The following ANP32E variants were observed in gnomAD, a reference collection of about 807,000 sequenced individuals.
ANP32E encodes acidic leucine-rich nuclear phosphoprotein 32 family member E.
ANP32E carries 14 observed loss-of-function variants against 35.3 expected under a neutral mutation model. That is an observed-to-expected ratio of 0.40 (90% CI 0.26 to 0.62). ANP32E has a LOEUF of 0.62. ANP32E is among the 20% of genes least tolerant of loss of function. The probability of loss-of-function intolerance (pLI) is 0.45; values close to 1 mark genes in which losing one functional copy is unlikely to be tolerated. For synonymous variants in ANP32E, 89 were observed against 110.4 expected (o/e 0.81, Z 1.22); for missense variants, 198 against 304.4 (o/e 0.65, Z 2.60).
intron 4 of ANP32E, among the ~76,000 whole-genome samples, chr1:150,228,190 C>G (rs1224331348): frequency 3.3e-5 from 5 of 151,774 alleles, no homozygotes; most frequent in Non-Finnish European, 7.4e-5. Flanking sequence ...CTCACTGCAA[C>G]CTTCGCCTCC....
Position 150,220,560 on chromosome 1 carries a change from T to G in ANP32E, c.*131A>C. On this transcript the variant is annotated 3_prime_UTR_variant, in exon 7 of 7. Coordinates refer to ENST00000583931, the MANE Select transcript of ANP32E (RefSeq NM_030920.5). ...ATTTGGAATGATAAGGCAAAAATAG[T>G]AAAACCACACTTTTCCTATAAAAAG... The G allele has an allele frequency of 1.2e-6, 1 of 869,498 alleles. No homozygotes were observed. Among genetic ancestry groups the G allele is most frequent in the Non-Finnish European group, 1.8e-6 (1 of 557,624 alleles). The allele number at this position is 869,498 out of a possible 1,614,324, so 53.9% of individuals were successfully genotyped here. A position where few individuals can be genotyped will look rare whatever the true frequency, so the allele number is the denominator to read the frequency against.
chr1:150,234,536 CCTT>C (rs1649623806), intron 1 of ANP32E: 1 of 960,454 alleles, frequency 1.0e-6, no homozygotes, highest in African/African-American at 1.8e-5. Context: ...CCAGTTATAT[CCTT>C]CTATCGATCG....
chr1:150,236,051 T>TACACACACAC lies in ANP32E; in HGVS notation c.-275_-266dup, dbSNP rs1159794096. 2.0e-6 allele frequency: 1 copy of TACACACACAC among 488,352 alleles called. No homozygotes were observed. Among genetic ancestry groups the TACACACACAC allele is most frequent in the Non-Finnish European group, 3.7e-6 (1 of 268,066 alleles). The allele number at this position is 488,352 out of a possible 1,614,324, so 30.3% of individuals were successfully genotyped here. A position where few individuals can be genotyped will look rare whatever the true frequency, so the allele number is the denominator to read the frequency against. On this transcript the variant is annotated 5_prime_UTR_variant, in exon 1 of 7. It introduces an in-frame stop codon into an upstream open reading frame of the 5' UTR. Coordinates refer to ENST00000583931, the MANE Select transcript of ANP32E (RefSeq NM_030920.5). ...ACACGCACGCACGCGCGCACACACA[T>TACACACACAC]ACACACACACATACACACACACACC...
Position 150,220,403 on chromosome 1 carries a change from G to C in ANP32E, c.*288C>G, listed in dbSNP as rs1553837285. Reference sequence around the variant, plus strand: ...TAAAAGTGATCATGTTTTAATTATGGGCTAAAAATGACTAATACAGTAAGC... The same window carrying C: ...TAAAAGTGATCATGTTTTAATTATGCGCTAAAAATGACTAATACAGTAAGC... On this transcript the variant is annotated 3_prime_UTR_variant, in exon 7 of 7. Coordinates refer to ENST00000583931, the MANE Select transcript of ANP32E (RefSeq NM_030920.5). 2 of 288,208 alleles carry C rather than the reference G, an allele frequency of 6.9e-6. No homozygotes were observed. The highest frequency in any genetic ancestry group is 2.4e-3 in the Middle Eastern group (2 of 824). The allele number at this position is 288,208 out of a possible 1,614,324, so 17.9% of individuals were successfully genotyped here. A position where few individuals can be genotyped will look rare whatever the true frequency, so the allele number is the denominator to read the frequency against.
rs1181547111 is a variant in ANP32E at position 150,235,366 on chromosome 1, G to C, written c.54+367C>G. ...CCTATGGCTGCGGCAGGGGCTGAGT[G>C]GGACTGGGGGGTCGCGCCCACGCCG... On this transcript the variant is annotated intron_variant, in intron 1 of 6. Coordinates refer to ENST00000583931, the MANE Select transcript of ANP32E (RefSeq NM_030920.5). This position sits in a 1 kb window ranked among gnomAD's most constrained non-coding sequence, Gnocchi z 4.2. Among the ~76,000 whole-genome samples, 1 of 152,202 alleles carries C rather than the reference G, an allele frequency of 6.6e-6. No homozygotes were observed. The highest frequency in any genetic ancestry group is 1.5e-5 in the Non-Finnish European group (1 of 68,030).
At chr1:150,221,388 G>A (rs1234650094) in intron 6 of ANP32E, among the ~76,000 whole-genome samples, 3 of 146,354 alleles carry the variant, frequency 2.0e-5, no homozygotes, top group African/African-American at 5.1e-5. Flanking sequence ...GCAGTGAGCC[G>A]AGATTGCACC....
intron 3 of ANP32E, 94 bp downstream of exon 3, chr1:150,230,477 G>A: frequency 7.8e-7 from 1 of 1,284,894 alleles, no homozygotes; most frequent in Middle Eastern, 2.0e-4. Context: ...AAATTCTTAA[G>A]TTTTAAGAGT....
intron 2 of ANP32E, among the ~76,000 whole-genome samples, chr1:150,231,036 C>G (rs1030966802): frequency 1.3e-5 from 2 of 152,158 alleles, no homozygotes; most frequent in African/African-American, 4.8e-5. Flanking sequence ...AACCACTGAG[C>G]CTGGCATATC....
rs1018123484 is a variant in ANP32E, at chr1:150,218,474, G to A, written c.*2217C>T. On this transcript the variant is annotated 3_prime_UTR_variant, in exon 7 of 7. Transcript: ENST00000583931. ...AGCAATTCAGTTTCAAAAACTTTAA[G>A]TTACAGCAGTCACAGAAAAAAACAG... is the stretch of plus-strand genomic sequence containing the variant. The A allele has an allele frequency of 2.6e-5, 4 of 152,516 alleles. No homozygotes were observed. The highest frequency in any genetic ancestry group is 2.0e-4 in the Admixed American group (3 of 15,268). The allele number at this position is 152,516 out of a possible 1,614,324, so 9.4% of individuals were successfully genotyped here.
In ANP32E at chr1:150,235,138, G is replaced by T. The variant is rs1264885272; in HGVS notation, c.54+595C>A. 6.6e-6 allele frequency among the ~76,000 whole-genome samples: 1 copy of T among 152,190 alleles called. No individual in the cohort carries two copies. Among genetic ancestry groups the T allele is most frequent in the Non-Finnish European group, 1.5e-5 (1 of 68,026 alleles). The stretch of plus-strand genomic sequence containing the variant: ...AGAACCCGCCGCTGACCCAGATTCC[G>T]CCGGGCGAAGGGCAGAGGGCGGCGC... On this transcript the variant is annotated intron_variant, in intron 1 of 6. Coordinates refer to ENST00000583931, the MANE Select transcript of ANP32E (RefSeq NM_030920.5). The surrounding 1 kb of genome is among the most constrained non-coding windows in gnomAD (Gnocchi z 4.2).
chr1:150,222,617 G>A (rs1046430110), intron 6 of ANP32E, among the ~76,000 whole-genome samples: 1 of 151,148 alleles, frequency 6.6e-6, no homozygotes, highest in Non-Finnish European at 1.5e-5. Context: ...AATTAGCTGG[G>A]CATGATGGTG....
At position 150,219,181 on chromosome 1, in the gene ANP32E, T is replaced by C. The variant is rs1648150056; in HGVS notation, c.*1510A>G. The C allele has an allele frequency of 6.6e-6, 1 of 152,228 alleles. No individual in the cohort carries two copies. Among genetic ancestry groups the C allele is most frequent in the South Asian group, 2.1e-4 (1 of 4,836 alleles). 9.4% of individuals were successfully genotyped at this position (152,228 alleles called of 1,614,324 possible). On this transcript the variant is annotated 3_prime_UTR_variant, in exon 7 of 7. Transcript: ENST00000583931. Reference sequence around the variant, plus strand: ...AGAAGCATAACTTCAATTAATTTGCTGACACTAACTTCTTAAAAACTTACA... The same window carrying C: ...AGAAGCATAACTTCAATTAATTTGCCGACACTAACTTCTTAAAAACTTACA...
chr1:150,224,844 T>C (rs947153109), intron 5 of ANP32E, among the ~76,000 whole-genome samples: 15 of 152,144 alleles, frequency 9.9e-5, no homozygotes, highest in African/African-American at 3.6e-4. Flanking sequence ...AATTTAACAT[T>C]AGGAGAAAAT....
intron 1 of ANP32E, chr1:150,234,537 C>T (rs1360264838): frequency 2.1e-6 from 2 of 962,862 alleles, no homozygotes; most frequent in Non-Finnish European, 2.5e-6. Context: ...CAGTTATATC[C>T]TTCTATCGAT....
At position 150,229,079 on chromosome 1, in the gene ANP32E, A is replaced by C. The variant is rs782802339; in HGVS notation, c.486T>G (p.Asp162Glu). Reference protein sequence around the residue: ...DNEAPDSEEEDDEDGDEDDEE... With the variant: ...DNEAPDSEEEEDEDGDEDDEE... ...AGTATTAAGAACGATTACCCTCATCATCCTCCTCTTCAGAGTCCGGCGCTT... is the reference window on the plus strand; with the variant it reads ...AGTATTAAGAACGATTACCCTCATCCTCCTCCTCTTCAGAGTCCGGCGCTT... Residue 162 changes from aspartate (D) to glutamate (E), a missense_variant, in exon 4 of 7, where the codon GAT becomes GAG. By Grantham distance (45) the Asp-to-Glu change is conservative. Around this residue, in one of 4 missense-constraint regions of ANP32E, gnomAD observed 121 missense variants for 137.3 expected, o/e 0.88. Coordinates refer to ENST00000583931, the MANE Select transcript of ANP32E (RefSeq NM_030920.5). 1.2e-6 allele frequency: 2 copies of C among 1,613,068 alleles called. No individual in the cohort carries two copies. Among genetic ancestry groups the C allele is most frequent in the Admixed American group, 1.7e-5 (1 of 59,838 alleles).
chr1:150,226,896 C>T, intron 4 of ANP32E, 101 bp from the exon 5 acceptor site: 2 of 1,426,036 alleles, frequency 1.4e-6, no homozygotes, highest in Non-Finnish European at 1.8e-6. Flanking sequence ...AACTTGTAAG[C>T]CAATAGGTGG....
At chr1:150,220,842 G>C in intron 6 of ANP32E, 81 bp from the exon 7 acceptor site, 3 of 1,290,200 alleles carry the variant, frequency 2.3e-6, no homozygotes, top group Non-Finnish European at 3.4e-6. Flanking sequence ...TTAGTGAAAA[G>C]TTAATGGCAA....
intron 3 of ANP32E, among the ~76,000 whole-genome samples, chr1:150,230,089 G>A (rs1244612175): frequency 1.3e-5 from 2 of 151,692 alleles, no homozygotes; most frequent in Non-Finnish European, 2.9e-5. Context: ...ATGTTGCCCA[G>A]GTTGGTCTCA....
chr1:150,219,253 A>C lies in ANP32E; in HGVS notation c.*1438T>G, dbSNP rs1312903711. ...AAATTTTAGATAGCCAAGATTTAAA[A>C]AGCCATTGCCTTGAACATGGAGCCT... is the stretch of plus-strand genomic sequence containing the variant. On this transcript the variant is annotated 3_prime_UTR_variant, in exon 7 of 7. Coordinates refer to ENST00000583931, the MANE Select transcript of ANP32E (RefSeq NM_030920.5). 6.6e-6 allele frequency: 1 copy of C among 152,304 alleles called. No homozygotes were observed. Among genetic ancestry groups the C allele is most frequent in the South Asian group, 2.1e-4 (1 of 4,822 alleles). 9.4% of individuals were successfully genotyped at this position (152,304 alleles called of 1,614,324 possible).
Sources: allele counts gnomAD v4.1 joint callset (sites outside exome capture counted in the v4.1 genomes callset), GRCh38; gene constraint gnomAD v4.1.1; regional missense constraint gnomAD v4.1.1; non-coding constraint Gnocchi (gnomAD v3.1); transcripts MANE v1.5; gene names NCBI Gene and HGNC (gene_info 2026-07-23, HGNC 2026-07-21).